Variants in EPHA3 observed in about 807,000 individuals in gnomAD.
EPHA3 encodes the protein EPH receptor A3, also known as ephrin type-A receptor 3.
A neutral mutation model predicts 107.1 loss-of-function variants in EPHA3; 42 were observed. The ratio of observed to expected loss-of-function variants is 0.39; its 90% CI spans 0.31 to 0.51. EPHA3 has a LOEUF of 0.51. Among genes scored for constraint, EPHA3 ranks in the 20% least tolerant of loss-of-function variants. EPHA3 has a pLI of 0.78. For missense variants in EPHA3, 1,183 were observed against 1,211.2 expected (o/e 0.98, Z 0.35); for synonymous variants, 461 against 424.8 (o/e 1.09, Z -1.05).
chr3:89,255,945 C>T (rs1048434435), intron 3 of EPHA3, among the ~76,000 whole-genome samples: 3 of 151,438 alleles, frequency 2.0e-5, no homozygotes, highest in South Asian at 2.1e-4. Flanking sequence ...AAAAATAGGC[C>T]GGGTGCGGTG....
At chr3:89,125,689 A>C (rs1285769577) in intron 1 of EPHA3, among the ~76,000 whole-genome samples, 2 of 151,664 alleles carry the variant, frequency 1.3e-5, no homozygotes, top group Admixed American at 1.3e-4. Flanking sequence ...TTATAATATA[A>C]AAGGTAAAGT....
chr3:89,329,922 AT>A (rs1707250416), intron 3 of EPHA3, among the ~76,000 whole-genome samples: 2 of 151,972 alleles, frequency 1.3e-5, no homozygotes, highest in Non-Finnish European at 2.9e-5. Context: ...TTTTAAAAAT[AT>A]TTTTATTCTT....
At chr3:89,383,153 T>A (rs1035084624) in intron 5 of EPHA3, among the ~76,000 whole-genome samples, 5 of 152,206 alleles carry the variant, frequency 3.3e-5, no homozygotes, top group African/African-American at 1.2e-4. Context: ...TGTAGAGTGT[T>A]CTCTGCTGTT....
intron 5 of EPHA3, among the ~76,000 whole-genome samples, chr3:89,383,387 C>T (rs1049564702): frequency 3.0e-4 from 46 of 152,100 alleles, no homozygotes; most frequent in Non-Finnish European, 2.9e-4. Flanking sequence ...AATATCAATC[C>T]TTTCTTGAAC....
intron 15 of EPHA3, among the ~76,000 whole-genome samples, chr3:89,470,885 C>T (rs1380592374): frequency 6.6e-6 from 1 of 152,246 alleles, no homozygotes; most frequent in East Asian, 1.9e-4. Flanking sequence ...GCATCAGTGC[C>T]TAACAGGTAC....
At chr3:89,201,860 T>G (rs1025501369) in intron 2 of EPHA3, among the ~76,000 whole-genome samples, 10 of 152,202 alleles carry the variant, frequency 6.6e-5, no homozygotes, top group African/African-American at 2.4e-4. Flanking sequence ...CAAGAATCTA[T>G]CGAGGATGTT....
At chr3:89,207,470 A>C (rs1196016271) in intron 2 of EPHA3, among the ~76,000 whole-genome samples, 1 of 152,214 alleles carries the variant, frequency 6.6e-6, no homozygotes, top group Non-Finnish European at 1.5e-5. Context: ...CATGGCCCAA[A>C]CTGGGAAAAT....
intron 2 of EPHA3, among the ~76,000 whole-genome samples, chr3:89,196,252 A>G (rs772265021): frequency 3.9e-5 from 6 of 152,090 alleles, no homozygotes; most frequent in Non-Finnish European, 8.8e-5. Flanking sequence ...TTCCCAGGCC[A>G]TTCATTTTGA....
At chr3:89,415,695 C>A (rs1409288110) in intron 10 of EPHA3, among the ~76,000 whole-genome samples, 3 of 151,052 alleles carry the variant, frequency 2.0e-5, no homozygotes, top group African/African-American at 7.3e-5. Flanking sequence ...ACTCCTCAAT[C>A]CAACCATTCT....
At chr3:89,425,272 C>A (rs910618005) in intron 11 of EPHA3, among the ~76,000 whole-genome samples, 3 of 151,376 alleles carry the variant, frequency 2.0e-5, no homozygotes, top group South Asian at 4.2e-4. Flanking sequence ...ATATTCATTA[C>A]AATATTTTTA....
At chr3:89,153,009 A>T (rs965161850) in intron 2 of EPHA3, among the ~76,000 whole-genome samples, 1 of 152,078 alleles carries the variant, frequency 6.6e-6, no homozygotes, top group Non-Finnish European at 1.5e-5. Context: ...AGGTTGATGG[A>T]TATAAAACCT....
At chr3:89,438,902 T>A (rs778894051) in intron 13 of EPHA3, among the ~76,000 whole-genome samples, 11 of 152,184 alleles carry the variant, frequency 7.2e-5, no homozygotes, top group Non-Finnish European at 1.0e-4. Context: ...TTTCTACCCA[T>A]CTATTTCAGA....
At chr3:89,303,639 A>G (rs1706543706) in intron 3 of EPHA3, among the ~76,000 whole-genome samples, 1 of 152,168 alleles carries the variant, frequency 6.6e-6, no homozygotes, top group African/African-American at 2.4e-5. Context: ...ACATTAAAAA[A>G]TTGATTTTTT....
At chr3:89,177,035 C>T (rs557259264) in intron 2 of EPHA3, among the ~76,000 whole-genome samples, 12 of 152,010 alleles carry the variant, frequency 7.9e-5, no homozygotes, top group African/African-American at 2.4e-4. Context: ...CAAAACCAAA[C>T]GCTTACTTAT....
At chr3:89,184,920 G>A (rs1462955625) in intron 2 of EPHA3, among the ~76,000 whole-genome samples, 1 of 152,046 alleles carries the variant, frequency 6.6e-6, no homozygotes, top group Admixed American at 6.6e-5. Context: ...TACCAACAGG[G>A]AGATTGGCAT....
intron 3 of EPHA3, among the ~76,000 whole-genome samples, chr3:89,337,552 A>C (rs1164588695): frequency 6.6e-6 from 1 of 152,252 alleles, no homozygotes; most frequent in Non-Finnish European, 1.5e-5. Context: ...TTTACTCTGC[A>C]TATAGTTGAC....
At chr3:89,466,647 C>T (rs1710282125) in intron 15 of EPHA3, among the ~76,000 whole-genome samples, 2 of 129,444 alleles carry the variant, frequency 1.5e-5, no homozygotes. Flanking sequence ...TCCCTGACCC[C>T]TTGCGCTTCC....
chr3:89,168,996 A>G (rs1340366421), intron 2 of EPHA3, among the ~76,000 whole-genome samples: 1 of 152,146 alleles, frequency 6.6e-6, no homozygotes, highest in Non-Finnish European at 1.5e-5. Context: ...AACACAATAT[A>G]TTCGCATTTT....
chr3:89,256,962 T>C (rs1003657192), intron 3 of EPHA3, among the ~76,000 whole-genome samples: 10 of 152,228 alleles, frequency 6.6e-5, no homozygotes, highest in African/African-American at 2.4e-4. Flanking sequence ...GGTATTTTTT[T>C]GCTGATACAG....
Sources: gnomAD v4.1 joint callset for allele counts (sites outside exome capture counted in the v4.1 genomes callset) on GRCh38, gnomAD v4.1.1 for gene constraint, MANE v1.5 for transcripts, NCBI Gene and HGNC (gene_info 2026-07-23, HGNC 2026-07-21) for gene names.